The following CHM variants were observed in gnomAD, a reference collection of about 807,000 sequenced individuals.
CHM encodes the protein rab proteins geranylgeranyltransferase component A 1.
CHM carries 10 observed loss-of-function variants against 49.0 expected under a neutral mutation model. The observed-to-expected ratio is 0.20, with a 90% CI of 0.13 to 0.35. CHM has a LOEUF of 0.35. Ranked by LOEUF, CHM falls within the 10% of genes least tolerant of loss-of-function variation. The probability of loss-of-function intolerance (pLI) is 1.00; values close to 1 mark genes in which losing one functional copy is unlikely to be tolerated. For synonymous variants in CHM, 184 were observed against 167.5 expected, an observed-to-expected ratio of 1.10 and a Z score of -0.76; for missense variants, 455 against 478.4, an observed-to-expected ratio of 0.95 and a Z score of 0.46.
intron 2 of CHM, among the ~76,000 whole-genome samples, chrX:86,025,703 A>G (rs895981793): frequency 6.3e-5 from 6 of 95,767 alleles, no homozygotes; most frequent in Non-Finnish European, 1.0e-4. Flanking sequence ...AGAAAGAAAG[A>G]AAAAGAAAAA....
At chrX:85,961,187 C>A (rs2147671171) in intron 5 of CHM, among the ~76,000 whole-genome samples, 1 of 110,204 alleles carries the variant, frequency 9.1e-6, no homozygotes, top group African/African-American at 3.3e-5. Context: ...TTTGGAGGGC[C>A]AAGGCAGGCA....
At chrX:85,966,445 T>C (rs750234030) in intron 4 of CHM, among the ~76,000 whole-genome samples, 1 of 111,304 alleles carries the variant, frequency 9.0e-6, no homozygotes, top group African/African-American at 3.3e-5. Context: ...GTTTTCTGCA[T>C]TCACATGACA....
At chrX:85,887,920 T>G (rs1021592287) in intron 12 of CHM, among the ~76,000 whole-genome samples, 1 of 111,820 alleles carries the variant, frequency 8.9e-6, no homozygotes, top group African/African-American at 3.3e-5. Context: ...TTGGGTGCTG[T>G]TAAAGGCATC....
At chrX:85,974,855 T>TA (rs1429241401) in intron 4 of CHM, among the ~76,000 whole-genome samples, 1 of 111,276 alleles carries the variant, frequency 9.0e-6, no homozygotes, top group East Asian at 2.8e-4. Flanking sequence ...TCATCAAGAT[T>TA]AAAAATATTT....
chrX:85,917,794 C>G (rs1369141246), intron 8 of CHM, among the ~76,000 whole-genome samples: 2 of 98,675 alleles, frequency 2.0e-5, no homozygotes, highest in Non-Finnish European at 4.2e-5. Context: ...CAAAATAAAC[C>G]AATCTGAGGG....
chrX:85,986,305 C>CA (rs2147721050), intron 2 of CHM, among the ~76,000 whole-genome samples: 1 of 111,299 alleles, frequency 9.0e-6, no homozygotes, highest in Non-Finnish European at 1.9e-5. Flanking sequence ...CTGCTGCCTC[C>CA]AAGTTGTGGA....
intron 12 of CHM, among the ~76,000 whole-genome samples, chrX:85,881,191 G>A (rs1361523046): frequency 1.8e-5 from 2 of 111,537 alleles, no homozygotes; most frequent in African/African-American, 6.5e-5. Context: ...CATACCAATA[G>A]ATCTATGTGT....
At chrX:85,921,467 T>G (rs1927785049) in intron 8 of CHM, among the ~76,000 whole-genome samples, 1 of 111,792 alleles carries the variant, frequency 8.9e-6, no homozygotes, top group African/African-American at 3.3e-5. Flanking sequence ...TTGCAGGACT[T>G]ATCTAAAAAA....
intron 1 of CHM, among the ~76,000 whole-genome samples, chrX:86,034,201 TG>T (rs1276656367): frequency 8.9e-6 from 1 of 111,825 alleles, no homozygotes; most frequent in Non-Finnish European, 1.9e-5. Context: ...CCCAAAGGTT[TG>T]TTTCAAGTTC....
intron 2 of CHM, among the ~76,000 whole-genome samples, chrX:85,997,319 G>A (rs1157388462): frequency 1.8e-5 from 2 of 111,015 alleles, no homozygotes; most frequent in African/African-American, 6.6e-5. Flanking sequence ...TACCCCCTAG[G>A]GTCCAAGGGC....
chrX:85,971,601 G>A, intron 4 of CHM: 1 of 295,675 alleles, frequency 3.4e-6, no homozygotes, highest in Non-Finnish European at 6.6e-6. Flanking sequence ...AGACCGAGCA[G>A]CAGCAAGATT....
At chrX:86,021,126 G>GTATA (rs3078128) in intron 2 of CHM, among the ~76,000 whole-genome samples, 1,037 of 55,887 alleles carry the variant, frequency 0.019, 23 homozygotes, top group Middle Eastern at 0.06. Context: ...GTGTATATAC[G>GTATA]TATATATATA....
At chrX:86,035,597 G>A (rs374605059) in intron 1 of CHM, among the ~76,000 whole-genome samples, 76 of 110,595 alleles carry the variant, frequency 6.9e-4, no homozygotes, top group South Asian at 3.1e-3. Context: ...AGGAGGGCAC[G>A]TGATGTAAGT....
At chrX:85,982,542 G>A (rs927077641) in intron 2 of CHM, among the ~76,000 whole-genome samples, 1 of 111,783 alleles carries the variant, frequency 8.9e-6, no homozygotes, top group Non-Finnish European at 1.9e-5. Context: ...AAATAGGTCA[G>A]GTAAACCTTG....
intron 13 of CHM, among the ~76,000 whole-genome samples, chrX:85,878,095 G>C (rs1310860432): frequency 9.0e-6 from 1 of 111,662 alleles, no homozygotes; most frequent in African/African-American, 3.3e-5. Flanking sequence ...ATTATGTAGG[G>C]GGAAAGTTTT....
intron 9 of CHM, among the ~76,000 whole-genome samples, chrX:85,903,094 A>G (rs1256281801): frequency 9.0e-6 from 1 of 111,683 alleles, no homozygotes; most frequent in Non-Finnish European, 1.9e-5. Context: ...GGGAAATTTT[A>G]CTGACATCTG....
Position 85,897,436 on chromosome X carries a change from C to T in CHM, c.1414-3152G>A, listed in dbSNP as rs77462667. On this transcript the variant is annotated intron_variant, in intron 11 of 14. Transcript: ENST00000357749. ...CAGGCAATAAAGGGTGGTGTGTGTG[C>T]GTGTACAAGAGCACTTGTCAAAAGG... 4.4e-3 allele frequency among the ~76,000 whole-genome samples: 410 copies of T among 92,180 alleles called. 3 individuals are homozygous for T. In the East Asian group the frequency reaches 0.054, roughly 12 times the overall value. The allele number at this position is 92,180 out of a possible 115,157, so 80.0% of individuals were successfully genotyped here. A position where few individuals can be genotyped will look rare whatever the true frequency, so the allele number is the denominator to read the frequency against.
intron 1 of CHM, among the ~76,000 whole-genome samples, chrX:86,030,955 T>C (rs1346359473): frequency 1.8e-5 from 2 of 110,096 alleles, no homozygotes; most frequent in Non-Finnish European, 3.8e-5. Flanking sequence ...AACCACGTAA[T>C]ATTCCCTTAT....
intron 2 of CHM, among the ~76,000 whole-genome samples, chrX:86,007,503 T>C (rs1932887136): frequency 9.0e-6 from 1 of 111,553 alleles, no homozygotes; most frequent in South Asian, 3.8e-4. Flanking sequence ...ATTTTTGCAA[T>C]CTACCCATCT....
Sources: gnomAD v4.1 joint callset for allele counts (sites outside exome capture counted in the v4.1 genomes callset) on GRCh38, gnomAD v4.1.1 for gene constraint, MANE v1.5 for transcripts, NCBI Gene and HGNC (gene_info 2026-07-23, HGNC 2026-07-21) for gene names.